Variants in ZNF335 observed in about 807,000 individuals in gnomAD.
The protein encoded by ZNF335 is zinc finger protein 335.
In ZNF335, 84 loss-of-function variants were observed where a neutral mutation model predicts 145.6. That is an observed-to-expected ratio of 0.58 (90% CI 0.48 to 0.69). The LOEUF (loss-of-function observed/expected upper bound fraction) is 0.69, where lower values mean the gene tolerates loss of function less well. Ranked by LOEUF, ZNF335 falls within the 30% of genes least tolerant of loss-of-function variation. ZNF335 has a pLI of 0.00. For missense variants in ZNF335, 1,865 were observed against 1,809.7 expected (o/e 1.03, Z -0.55); for synonymous variants, 761 against 717.0 (o/e 1.06, Z -0.98).
intron 6 of ZNF335, among the ~76,000 whole-genome samples, chr20:45,966,701 G>A (rs895587606): frequency 5.9e-5 from 9 of 151,356 alleles, no homozygotes; most frequent in Admixed American, 5.9e-4. Flanking sequence ...GCAGGTGCCC[G>A]CCACCACACC....
intron 6 of ZNF335, among the ~76,000 whole-genome samples, chr20:45,966,533 CTCTGTT>C (rs143167649): frequency 0.035 from 5,302 of 150,858 alleles, 176 homozygotes; most frequent in African/African-American, 0.081. Flanking sequence ...CTCAGCAAGA[CTCTGTT>C]TCTTTTTCTT....
At chr20:45,957,451 C>T in intron 17 of ZNF335, 135 bp downstream of exon 17, 1 of 787,170 alleles carries the variant, frequency 1.3e-6, no homozygotes, top group Non-Finnish European at 2.0e-6. Flanking sequence ...TTCAGCAGAT[C>T]TGTCTCCTCC....
Position 45,965,699 on chromosome 20 carries a change from G to A in ZNF335, c.1031C>T (p.Thr344Ile). The change falls in exon 7 of 28, where the codon ACC becomes ATC. Residue 344 changes from threonine to isoleucine, a missense_variant. By Grantham distance (89) the Thr-to-Ile change is moderately conservative. Coordinates refer to ENST00000322927, the MANE Select transcript of ZNF335 (RefSeq NM_022095.4). ...QLRLQRPTPS[T>I]PRPRRRPGRP... ...GCCAGGTCTCCTTCGGGGCCTTGGGGTACTGGGGGTGGGGCGCTGGAGCCG... is the reference window on the plus strand; with the variant it reads ...GCCAGGTCTCCTTCGGGGCCTTGGGATACTGGGGGTGGGGCGCTGGAGCCG... 2 of 1,604,398 alleles carry A rather than the reference G, an allele frequency of 1.2e-6. No individual in the cohort carries two copies. The highest frequency in any genetic ancestry group is 1.7e-6 in the Non-Finnish European group (2 of 1,176,204).
At chr20:45,962,944 G>C (rs1298383173) in intron 9 of ZNF335, among the ~76,000 whole-genome samples, 1 of 151,820 alleles carries the variant, frequency 6.6e-6, no homozygotes, top group African/African-American at 2.4e-5. Context: ...ATCCCAAGTA[G>C]TTGGGATTAC....
At chr20:45,952,852 C>G (rs1017968327) in intron 18 of ZNF335, 143 bp from the exon 19 acceptor site, 1 of 667,742 alleles carries the variant, frequency 1.5e-6, no homozygotes, top group African/African-American at 1.8e-5. Flanking sequence ...TGGCTCTGCC[C>G]TGTTACCAAA....
At chr20:45,963,242 G>T (rs1031974577) in intron 9 of ZNF335, among the ~76,000 whole-genome samples, 4 of 152,146 alleles carry the variant, frequency 2.6e-5, no homozygotes, top group African/African-American at 4.8e-5. Context: ...GCACTGTGCC[G>T]CCTGCAAAAC....
chr20:45,967,405 T>C, intron 6 of ZNF335, 89 bp downstream of exon 6: 1 of 1,603,162 alleles, frequency 6.2e-7, no homozygotes, highest in South Asian at 1.1e-5. Context: ...TCTGTGCCAA[T>C]TCCTCTTTAC....
rs1206613636 is a variant in ZNF335 at position 45,952,409 on chromosome 20, G to A, written c.2927C>T (p.Ser976Phe). ...GLPRDGPEPP[S>F]PAKTHCVGDS... ...CCCTACGCAGTGGGTCTTGGCTGGA[G>A]ATGGGGGCTCAGGGCCGTCTCTGGG... The change falls in exon 20 of 28, where the codon TCT (serine) becomes TTT (phenylalanine). Residue 976 changes from serine to phenylalanine, a missense_variant. Physicochemically the swap from Ser to Phe is radical, Grantham distance 155 (BLOSUM62 -2). Transcript: ENST00000322927. The A allele has an allele frequency of 6.3e-7, 1 of 1,585,542 alleles. No homozygotes were observed. Among genetic ancestry groups the A allele is most frequent in the East Asian group, 2.2e-5 (1 of 44,512 alleles).
chr20:45,963,683 TG>T (rs756136990), intron 8 of ZNF335, 33 bp from the exon 9 acceptor site: 2 of 1,613,852 alleles, frequency 1.2e-6, no homozygotes, highest in South Asian at 2.2e-5. Flanking sequence ...AAAGGTCTGG[TG>T]GGGTTGGTGG....
At chr20:45,963,330 TGAGCCAGACACG>T (rs2083886142) in intron 9 of ZNF335, 131 bp downstream of exon 9, 5 of 993,182 alleles carry the variant, frequency 5.0e-6, no homozygotes, top group African/African-American at 4.9e-5. Flanking sequence ...GGTACGCCAG[TGAGCCAGACACG>T]CGTTCTGAAG....
At chr20:45,971,027 G>C (rs1295561443) in intron 2 of ZNF335, among the ~76,000 whole-genome samples, 183 bp downstream of exon 2, 1 of 152,222 alleles carries the variant, frequency 6.6e-6, no homozygotes, top group Non-Finnish European at 1.5e-5. Flanking sequence ...AAAATGGTAT[G>C]TGTCTTAGAA....
Position 45,963,879 on chromosome 20 carries a change from T to C in ZNF335, c.1214A>G (p.Lys405Arg). Residue 405 changes from lysine to arginine, a missense_variant, in exon 8 of 28, where the codon AAG becomes AGG. By Grantham distance (26) the Lys-to-Arg change is conservative. Transcript: ENST00000322927. The stretch of plus-strand genomic sequence containing the variant: ...AGCTTCCACAGGGGTCCTGCTCACC[T>C]TGCCCATGGCCACCAGGTGTCCTGG... ...SGPGHLVAMG[K>R]VSRTPVEAGV... is the part of the protein sequence containing the mutation. 5 of 1,606,336 alleles carry C rather than the reference T, an allele frequency of 3.1e-6. No homozygotes were observed. The highest frequency in any genetic ancestry group is 1.1e-5 in the South Asian group (1 of 90,176).
intron 17 of ZNF335, among the ~76,000 whole-genome samples, chr20:45,955,288 T>C (rs937699462): frequency 3.2e-5 from 4 of 126,918 alleles, no homozygotes; most frequent in East Asian, 2.4e-4. Context: ...GAGGCGGAGG[T>C]TGCAGTGAGC....
intron 6 of ZNF335, 125 bp downstream of exon 6, chr20:45,967,369 T>A: frequency 6.8e-7 from 1 of 1,479,476 alleles, no homozygotes; most frequent in Non-Finnish European, 9.3e-7. Context: ...CTCCTCTGTC[T>A]TATACTGGAG....
At position 45,960,478 on chromosome 20, in the gene ZNF335, G is replaced by C. The variant is rs60180055; in HGVS notation, c.1830C>G (p.Leu610=). ...GGTTGGCAACAGCCTGGATGTGCGT[G>C]AGCAGGTGCATTTTGAAGGTGTAGC... ...KKRYTFKMHL[L]THIQAVANRR... is the part of the protein sequence containing the mutation. The change falls in exon 13 of 28, where the codon CTC becomes CTG. Residue 610 remains leucine, a synonymous_variant. Coordinates refer to ENST00000322927, the MANE Select transcript of ZNF335 (RefSeq NM_022095.4). 85 of 1,614,172 alleles carry C rather than the reference G, an allele frequency of 5.3e-5. No individual in the cohort carries two copies. In the East Asian group the frequency reaches 1.7e-3, roughly 32 times the overall value.
Position 45,960,844 on chromosome 20 carries a change from G to A in ZNF335, c.1665+20C>T, listed in dbSNP as rs2083830576. The A allele has an allele frequency of 2.5e-6, 4 of 1,613,990 alleles. No individual in the cohort carries two copies. In the East Asian group the frequency reaches 6.7e-5, roughly 27 times the overall value. On this transcript the variant is annotated intron_variant, in intron 11 of 27. Coordinates refer to ENST00000322927, the MANE Select transcript of ZNF335 (RefSeq NM_022095.4). Reference sequence around the variant, plus strand: ...AACCCCCGGGCAGGTTCCCTTCCCAGGCCAGCACGCCAGACTCACCGGATC... The same window carrying A: ...AACCCCCGGGCAGGTTCCCTTCCCAAGCCAGCACGCCAGACTCACCGGATC...
Position 45,950,287 on chromosome 20 carries a change from G to A in ZNF335, c.3419C>T (p.Ala1140Val). The change falls in exon 22 of 28, where the codon GCC (alanine) becomes GTC (valine). Residue 1140 changes from alanine (A) to valine (V), a missense_variant. Coordinates refer to ENST00000322927, the MANE Select transcript of ZNF335 (RefSeq NM_022095.4). ...GGTCTGGGTTGGGGTCTGGGTAGGG[G>A]CCCGGGCTGTAGGGGTTCCTGACTT... is the stretch of plus-strand genomic sequence containing the variant. ...GRKSGTPTAR[A>V]PTQTPTQTII... The A allele has an allele frequency of 6.4e-7, 1 of 1,560,442 alleles. No individual in the cohort carries two copies. Among genetic ancestry groups the A allele is most frequent in the African/African-American group, 1.4e-5 (1 of 73,594 alleles).
intron 17 of ZNF335, among the ~76,000 whole-genome samples, chr20:45,957,017 T>G (rs2083740856): frequency 6.6e-6 from 1 of 152,140 alleles, no homozygotes; most frequent in Non-Finnish European, 1.5e-5. Context: ...CATCTTCTCA[T>G]GAGGCTGGGA....
intron 17 of ZNF335, 80 bp downstream of exon 17, chr20:45,957,506 T>C (rs375864216): frequency 3.0e-5 from 41 of 1,367,744 alleles, no homozygotes; most frequent in African/African-American, 2.7e-4. Context: ...GATACACTGT[T>C]TTCCTCTAGT....
Sources: gnomAD v4.1 joint callset for allele counts (sites outside exome capture counted in the v4.1 genomes callset) on GRCh38, gnomAD v4.1.1 for gene constraint, MANE v1.5 for transcripts, NCBI Gene and HGNC (gene_info 2026-07-23, HGNC 2026-07-21) for gene names.